Variants in DPYSL2 observed in about 807,000 individuals in gnomAD.
DPYSL2 encodes the protein dihydropyrimidinase-related protein 2.
Under a neutral mutation model 69.9 loss-of-function variants are expected in DPYSL2, and 13 were observed. The ratio of observed to expected loss-of-function variants is 0.19; its 90% CI spans 0.12 to 0.30. DPYSL2 has a LOEUF of 0.30. Among genes scored for constraint, DPYSL2 ranks in the 10% least tolerant of loss-of-function variants. The probability of loss-of-function intolerance (pLI) is 1.00; values close to 1 mark genes in which losing one functional copy is unlikely to be tolerated. For synonymous variants in DPYSL2, 326 were observed against 359.1 expected (o/e 0.91, Z 1.04); for missense variants, 587 against 918.9 (o/e 0.64, Z 4.67).
chr8:26,523,299 T>G (rs1161315482), intron 1 of DPYSL2, among the ~76,000 whole-genome samples: 3 of 152,128 alleles, frequency 2.0e-5, no homozygotes, highest in South Asian at 2.1e-4. Context: ...ATGAGTTCAA[T>G]TAAAAAAATT....
intron 1 of DPYSL2, among the ~76,000 whole-genome samples, chr8:26,576,562 A>C (rs1801348484): frequency 6.6e-6 from 1 of 152,114 alleles, no homozygotes; most frequent in South Asian, 2.1e-4. Context: ...ACGGACCCTG[A>C]AGTTAGAGCA....
At chr8:26,569,424 A>G (rs1210580667) in intron 1 of DPYSL2, among the ~76,000 whole-genome samples, 8 of 151,686 alleles carry the variant, frequency 5.3e-5, no homozygotes, top group African/African-American at 1.7e-4. Flanking sequence ...AATCAGGATT[A>G]GAGAATGGCA....
intron 3 of DPYSL2, among the ~76,000 whole-genome samples, chr8:26,601,636 C>CA (rs1801995561): frequency 6.6e-6 from 1 of 151,852 alleles, no homozygotes; most frequent in African/African-American, 2.4e-5. Flanking sequence ...CTTGGCCTCC[C>CA]AAAGTGCTGG....
chr8:26,521,907 A>G (rs1808391908), intron 1 of DPYSL2, among the ~76,000 whole-genome samples: 3 of 152,050 alleles, frequency 2.0e-5, no homozygotes, highest in South Asian at 2.1e-4. Flanking sequence ...TATGTATCCT[A>G]TTCATTAGTT....
intron 4 of DPYSL2, among the ~76,000 whole-genome samples, chr8:26,625,586 G>A (rs985024344): frequency 6.6e-6 from 1 of 152,162 alleles, no homozygotes; most frequent in African/African-American, 2.4e-5. Context: ...CTGGTGCCTA[G>A]GGAGGCAAGA....
chr8:26,545,411 T>C (rs758974082), intron 1 of DPYSL2, among the ~76,000 whole-genome samples: 8 of 152,104 alleles, frequency 5.3e-5, no homozygotes, highest in Non-Finnish European at 1.0e-4. Context: ...AGAACAACCA[T>C]TGGCTCAAAG....
At chr8:26,589,861 C>G (rs1025627117) in intron 3 of DPYSL2, among the ~76,000 whole-genome samples, 16 of 152,274 alleles carry the variant, frequency 1.1e-4, no homozygotes, top group Non-Finnish European at 2.1e-4. Flanking sequence ...CCCAGCACCA[C>G]AGTGGACCCA....
chr8:26,523,167 A>T (rs56098448), intron 1 of DPYSL2, among the ~76,000 whole-genome samples: 83,927 of 149,976 alleles, frequency 0.56, 26,564 homozygotes, highest in Non-Finnish European at 0.72. Flanking sequence ...ATATATATAT[A>T]TATTTTTAAA....
At position 26,601,051 on chromosome 8, in the gene DPYSL2, G is replaced by T. The variant is rs1801979972; in HGVS notation, c.628+17068G>T. Among the ~76,000 whole-genome samples the T allele has an allele frequency of 2.0e-5, 3 of 152,326 alleles. No individual in the cohort carries two copies. The South Asian group carries it at 6.2e-4, about 32-fold the overall frequency. On this transcript the variant is annotated intron_variant, in intron 3 of 13. Transcript: ENST00000521913. ...TCAGCCATGATATGGACCATCTCCA[G>T]GGCCAGTCCATTCCTGCCGCTGATG...
chr8:26,552,711 C>G lies in DPYSL2; in HGVS notation c.355-29258C>G, dbSNP rs868527093. Among the ~76,000 whole-genome samples, 36 of 152,236 alleles carry G rather than the reference C, an allele frequency of 2.4e-4. 1 individual carries two copies. The Middle Eastern group carries it at 0.014, about 58-fold the overall frequency. ...GCCAAACTGGCTTTCATAACAGACCCGCTCTTGTGATAAGTAGCCCACTCC... is the reference window on the plus strand; with the variant it reads ...GCCAAACTGGCTTTCATAACAGACCGGCTCTTGTGATAAGTAGCCCACTCC... On this transcript the variant is annotated intron_variant, in intron 1 of 13. Coordinates refer to ENST00000521913, the MANE Select transcript of DPYSL2 (RefSeq NM_001197293.3).
intron 3 of DPYSL2, among the ~76,000 whole-genome samples, chr8:26,600,795 C>T (rs1467269536): frequency 3.3e-5 from 5 of 152,220 alleles, no homozygotes. Flanking sequence ...GAATGGCTAC[C>T]TCCATTCCCT....
chr8:26,568,710 AAC>A (rs1801191087), intron 1 of DPYSL2, among the ~76,000 whole-genome samples: 1 of 94,324 alleles, frequency 1.1e-5, no homozygotes, highest in Admixed American at 1.1e-4. Flanking sequence ...AAGAGATGAA[AAC>A]TCCTGAAATG....
chr8:26,532,203 G>T (rs1434027714), intron 1 of DPYSL2, among the ~76,000 whole-genome samples: 4 of 152,096 alleles, frequency 2.6e-5, no homozygotes, highest in African/African-American at 2.4e-5. Flanking sequence ...TTCTCTTGTG[G>T]CAGGGAACTT....
rs557422662 is a variant in DPYSL2 at position 26,577,155 on chromosome 8, C to T, written c.355-4814C>T. 32 of 447,630 alleles carry T rather than the reference C, an allele frequency of 7.1e-5. No individual in the cohort carries two copies. In the East Asian group the frequency reaches 2.3e-3, roughly 32 times the overall value. 27.7% of individuals were successfully genotyped at this position (447,630 alleles called of 1,614,324 possible). A position where few individuals can be genotyped will look rare whatever the true frequency, so the allele number is the denominator to read the frequency against. ...CGGAGTTGGAAGGGTTTCCTCAGGG[C>T]TCTCATTTCCTGCAGCCCGGCGCCT... On this transcript the variant is annotated intron_variant, in intron 1 of 13. Transcript: ENST00000521913.
Position 26,626,872 on chromosome 8 carries a change from C to T in DPYSL2, c.855+194C>T, listed in dbSNP as rs896416539. Among the ~76,000 whole-genome samples the T allele has an allele frequency of 8.5e-5, 13 of 152,152 alleles. No individual in the cohort carries two copies. The highest frequency in any genetic ancestry group is 1.9e-4 in the Non-Finnish European group (13 of 68,038). The stretch of plus-strand genomic sequence containing the variant: ...TGCCCTGGCCCCCAGCACTGCCACT[C>T]CGCCGCCCTGGATCTGAGGCTCTGC... On this transcript the variant is annotated intron_variant, in intron 5 of 13. Transcript: ENST00000521913. The surrounding 1 kb of genome is among the most constrained non-coding windows in gnomAD (Gnocchi z 4.3).
intron 1 of DPYSL2, among the ~76,000 whole-genome samples, chr8:26,558,255 A>T (rs767006514): frequency 7.2e-5 from 11 of 152,156 alleles, no homozygotes; most frequent in Non-Finnish European, 1.0e-4. Context: ...GAATATTACT[A>T]GGTGATAAAA....
At chr8:26,536,932 G>A (rs1031206181) in intron 1 of DPYSL2, among the ~76,000 whole-genome samples, 1 of 152,094 alleles carries the variant, frequency 6.6e-6, no homozygotes, top group Non-Finnish European at 1.5e-5. Context: ...ATCTTGACTC[G>A]GCCACCAGAG....
At chr8:26,603,788 C>T (rs562797883) in intron 3 of DPYSL2, among the ~76,000 whole-genome samples, 1 of 152,326 alleles carries the variant, frequency 6.6e-6, no homozygotes, top group Admixed American at 6.5e-5. Flanking sequence ...GCCCCAAGTT[C>T]ACCTATGTGA....
chr8:26,532,405 C>T (rs1301648744), intron 1 of DPYSL2, among the ~76,000 whole-genome samples: 1 of 152,046 alleles, frequency 6.6e-6, no homozygotes, highest in Non-Finnish European at 1.5e-5. Context: ...TAAAATTTGC[C>T]CCTTTAAAGT....
Sources: allele counts gnomAD v4.1 joint callset (sites outside exome capture counted in the v4.1 genomes callset), GRCh38; gene constraint gnomAD v4.1.1; non-coding constraint Gnocchi (gnomAD v3.1); transcripts MANE v1.5; gene names NCBI Gene and HGNC (gene_info 2026-07-23, HGNC 2026-07-21).